The following LIPA variants were observed in gnomAD, a reference collection of about 807,000 sequenced individuals.
The protein encoded by LIPA is lipase A, lysosomal acid type.
Under a neutral mutation model 40.6 loss-of-function variants are expected in LIPA, and 26 were observed. That is an observed-to-expected ratio of 0.64 (90% CI 0.47 to 0.89). LIPA has a LOEUF of 0.89. Ranked by LOEUF, LIPA falls within the 40% of genes least tolerant of loss-of-function variation. The probability of loss-of-function intolerance (pLI) is 0.00; values close to 1 mark genes in which losing one functional copy is unlikely to be tolerated. For missense variants in LIPA, 455 were observed against 479.6 expected, an observed-to-expected ratio of 0.95 and a Z score of 0.48; for synonymous variants, 188 against 168.4, an observed-to-expected ratio of 1.12 and a Z score of -0.90.
intron 2 of LIPA, among the ~76,000 whole-genome samples, chr10:89,410,302 T>C (rs1000514686): frequency 6.6e-6 from 1 of 152,208 alleles, no homozygotes; most frequent in African/African-American, 2.4e-5. Context: ...TGCTACTCCT[T>C]GAGGGACCAG....
chr10:89,372,841 T>C (rs553439524), intron 2 of LIPA, among the ~76,000 whole-genome samples: 1 of 152,312 alleles, frequency 6.6e-6, no homozygotes, highest in African/African-American at 2.4e-5. Flanking sequence ...ACTTTTCAAG[T>C]CCCAAGATAC....
At chr10:89,267,325 T>C (rs1450537719) in intron 1 of LIPA, among the ~76,000 whole-genome samples, 2 of 152,068 alleles carry the variant, frequency 1.3e-5, no homozygotes, top group South Asian at 2.1e-4. Flanking sequence ...AGAGATGAGA[T>C]TGTTACTGGA....
exon 2 of LIPA, chr10:89,412,832 A>G: frequency 2.6e-6 from 1 of 390,240 alleles, no homozygotes; most frequent in South Asian, 1.8e-5. Flanking sequence ...ATCGAAAGGA[A>G]CAAACTCCAG....
At chr10:89,350,836 G>A (rs1210360960) in intron 2 of LIPA, among the ~76,000 whole-genome samples, 3 of 152,164 alleles carry the variant, frequency 2.0e-5, no homozygotes, top group Non-Finnish European at 4.4e-5. Flanking sequence ...AGGGAGGAGA[G>A]ATAAGGCTTA....
intron 1 of LIPA, among the ~76,000 whole-genome samples, chr10:89,296,825 C>A (rs560624912): frequency 2.6e-5 from 4 of 152,256 alleles, no homozygotes; most frequent in African/African-American, 7.2e-5. Context: ...TACATGATTA[C>A]CCCCTTTGTG....
chr10:89,296,134 A>T (rs886741128), intron 1 of LIPA, among the ~76,000 whole-genome samples: 1 of 152,178 alleles, frequency 6.6e-6, no homozygotes, highest in South Asian at 2.1e-4. Context: ...CAGCATTTCC[A>T]CTTTCCTATT....
chr10:89,383,625 G>A (rs757142806), intron 2 of LIPA: 1 of 1,614,134 alleles, frequency 6.2e-7, no homozygotes, highest in Admixed American at 1.7e-5. Flanking sequence ...TTGCCTGGGT[G>A]TATTACCACA....
At chr10:89,310,836 C>T (rs562918083) in intron 1 of LIPA, among the ~76,000 whole-genome samples, 97 of 152,312 alleles carry the variant, frequency 6.4e-4, no homozygotes, top group African/African-American at 2.2e-3. Flanking sequence ...GGCTACCAAA[C>T]AGGTAAACGA....
chr10:89,295,584 T>C (rs1843408687), intron 1 of LIPA, among the ~76,000 whole-genome samples: 1 of 152,204 alleles, frequency 6.6e-6, no homozygotes, highest in Non-Finnish European at 1.5e-5. Flanking sequence ...CAGGTGATGC[T>C]GATATTGCTG....
chr10:89,228,145 T>A, intron 4 of LIPA, 55 bp downstream of exon 4: 1 of 1,472,732 alleles, frequency 6.8e-7, no homozygotes, highest in Non-Finnish European at 9.5e-7. Context: ...AAGCCTGTTG[T>A]CTGCTTTAAG....
intron 2 of LIPA, among the ~76,000 whole-genome samples, chr10:89,400,684 A>G (rs1016794898): frequency 6.6e-6 from 1 of 152,232 alleles, no homozygotes. Flanking sequence ...AATTTTCTAC[A>G]TATAAAATTA....
chr10:89,298,520 G>A (rs1045066892), intron 1 of LIPA, among the ~76,000 whole-genome samples: 1 of 152,078 alleles, frequency 6.6e-6, no homozygotes, highest in African/African-American at 2.4e-5. Context: ...TCAGGAAAAA[G>A]TCCTCCCCTA....
intron 1 of LIPA, among the ~76,000 whole-genome samples, chr10:89,313,819 A>C (rs762645564): frequency 3.3e-5 from 5 of 152,246 alleles, no homozygotes; most frequent in Non-Finnish European, 7.3e-5. Context: ...GTTTATATGA[A>C]ATGTGGAACG....
chr10:89,338,912 C>T lies in LIPA; in HGVS notation c.-2+3699G>A, dbSNP rs1453403759. 11 of 1,614,036 alleles carry T rather than the reference C, an allele frequency of 6.8e-6. No homozygotes were observed. Among genetic ancestry groups the T allele is most frequent in the Admixed American group, 1.7e-5 (1 of 59,994 alleles). On this transcript the variant is annotated intron_variant, in intron 1 of 5. Coordinates refer to the LIPA transcript ENST00000282673. ...GAAGAGTTAATCCAGCAAGAACATG[C>T]TGACCAAGCAGAAATCAGAAGTCTA...
At chr10:89,384,614 T>C (rs1269795264) in intron 2 of LIPA, 4 of 1,614,066 alleles carry the variant, frequency 2.5e-6, no homozygotes, top group Non-Finnish European at 3.4e-6. Flanking sequence ...CACCAGAATG[T>C]ACGGGTTGTG....
At chr10:89,395,720 G>T (rs934462345) in intron 2 of LIPA, among the ~76,000 whole-genome samples, 11 of 152,140 alleles carry the variant, frequency 7.2e-5, no homozygotes, top group African/African-American at 2.7e-4. Context: ...CCCAAGAAAG[G>T]CACATTGTAA....
chr10:89,255,956 A>T (rs1843178799), upstream of LIPA, among the ~76,000 whole-genome samples: 1 of 152,246 alleles, frequency 6.6e-6, no homozygotes, highest in South Asian at 2.1e-4. Context: ...GAGCTGGGGC[A>T]TTATTGGATG....
intron 1 of LIPA, among the ~76,000 whole-genome samples, chr10:89,342,245 G>T (rs1049835084): frequency 3.9e-5 from 6 of 152,128 alleles, no homozygotes; most frequent in African/African-American, 1.2e-4. Flanking sequence ...TACCACTCAA[G>T]AATACCACAG....
chr10:89,360,315 A>G (rs867133350), intron 2 of LIPA, among the ~76,000 whole-genome samples: 1 of 152,176 alleles, frequency 6.6e-6, no homozygotes, highest in Non-Finnish European at 1.5e-5. Context: ...GGACACACCC[A>G]TAATCAACAC....
Sources: allele counts gnomAD v4.1 joint callset (sites outside exome capture counted in the v4.1 genomes callset), GRCh38; gene constraint gnomAD v4.1.1; transcripts MANE v1.5; gene names NCBI Gene and HGNC (gene_info 2026-07-23, HGNC 2026-07-21).